Variants in ANAPC7 observed in about 807,000 individuals in gnomAD.
ANAPC7 encodes anaphase promoting complex subunit 7.
Under a neutral mutation model 63.3 loss-of-function variants are expected in ANAPC7, and 25 were observed. The observed-to-expected ratio is 0.39, with a 90% CI of 0.29 to 0.55. The LOEUF (loss-of-function observed/expected upper bound fraction) is 0.55, where lower values mean the gene tolerates loss of function less well. Ranked by LOEUF, ANAPC7 falls within the 20% of genes least tolerant of loss-of-function variation. The probability of loss-of-function intolerance (pLI) is 0.57; values close to 1 mark genes in which losing one functional copy is unlikely to be tolerated. For missense variants in ANAPC7, 516 were observed against 691.7 expected (o/e 0.75, Z 2.85); for synonymous variants, 241 against 251.7 (o/e 0.96, Z 0.40).
intron 4 of ANAPC7, among the ~76,000 whole-genome samples, chr12:110,388,174 C>A (rs28505800): frequency 0.026 from 3,885 of 152,196 alleles, 69 homozygotes; most frequent in East Asian, 0.076. Context: ...GAAGCTGGGA[C>A]TACAGGCACG....
chr12:110,374,077 G>A lies in ANAPC7; in HGVS notation c.*67C>T, dbSNP rs1881037547. 12 of 1,479,562 alleles carry A rather than the reference G, an allele frequency of 8.1e-6. No individual in the cohort carries two copies. Among genetic ancestry groups the A allele is most frequent in the South Asian group, 2.7e-5 (2 of 73,244 alleles). The allele number at this position is 1,479,562 out of a possible 1,614,324, so 91.7% of individuals were successfully genotyped here. A position where few individuals can be genotyped will look rare whatever the true frequency, so the allele number is the denominator to read the frequency against. ...TGTCCTTCTGAGAGCAGGCTCCTAC[G>A]GTTCCTTCAGTCCACGGAAGTGCTC... On this transcript the variant is annotated 3_prime_UTR_variant, in exon 11 of 11. Coordinates refer to ENST00000455511, the MANE Select transcript of ANAPC7 (RefSeq NM_016238.3).
At chr12:110,380,074 T>C (rs1054706608) in intron 8 of ANAPC7, among the ~76,000 whole-genome samples, 1 of 152,190 alleles carries the variant, frequency 6.6e-6, no homozygotes, top group Admixed American at 6.5e-5. Context: ...TAACAGGCCA[T>C]GTACAGTGGT....
At position 110,377,637 on chromosome 12, in the gene ANAPC7, T is replaced by C; in HGVS notation, c.1133-20A>G. ...TAAGACCTGAAAAAAGTAAAACACG[T>C]GAAGACATTCAATGCCATTACCATT... On this transcript the variant is annotated intron_variant, in intron 8 of 10. Transcript: ENST00000455511. The C allele has an allele frequency of 5.6e-6, 9 of 1,614,058 alleles. No homozygotes were observed. The South Asian group carries it at 8.8e-5, about 16-fold the overall frequency.
intron 3 of ANAPC7, among the ~76,000 whole-genome samples, chr12:110,389,350 G>A (rs938471844): frequency 6.6e-6 from 1 of 152,174 alleles, no homozygotes; most frequent in Non-Finnish European, 1.5e-5. Context: ...TAGTTAAGAA[G>A]GATCAGCTCA....
At chr12:110,381,118 A>G (rs1463830915) in intron 8 of ANAPC7, among the ~76,000 whole-genome samples, 1 of 152,034 alleles carries the variant, frequency 6.6e-6, no homozygotes, top group East Asian at 1.9e-4. Context: ...AAAATCAGAA[A>G]AAATGGATTA....
Position 110,376,124 on chromosome 12 carries a change from A to T in ANAPC7, c.1450T>A (p.Phe484Ile), listed in dbSNP as rs1566257580. 3 of 1,614,160 alleles carry T rather than the reference A, an allele frequency of 1.9e-6. No homozygotes were observed. The highest frequency in any genetic ancestry group is 8.5e-7 in the Non-Finnish European group (1 of 1,180,016). ...TGATACTCATTGACAGCTACAAGGA[A>T]ATCTCCTAGGATCCGATGCAGGACA... ...DCVLHRILGD[F>I]LVAVNEYQEA... Residue 484 changes from phenylalanine to isoleucine, a missense_variant, in exon 10 of 11, where the codon TTC (phenylalanine) becomes ATC (isoleucine). By Grantham distance (21) the Phe-to-Ile change is conservative. Around this residue, in one of 4 missense-constraint regions of ANAPC7, gnomAD observed 122 missense variants for 212.0 expected, o/e 0.58. Transcript: ENST00000455511.
intron 1 of ANAPC7, among the ~76,000 whole-genome samples, chr12:110,401,809 T>C (rs1169310192): frequency 1.3e-5 from 2 of 151,770 alleles, no homozygotes; most frequent in African/African-American, 4.8e-5. Context: ...CTGTCTCTAC[T>C]AAAAATACAA....
At chr12:110,392,813 GAGATGGAGTTTCACTC>G (rs1883214694) in intron 3 of ANAPC7, among the ~76,000 whole-genome samples, 1 of 151,260 alleles carries the variant, frequency 6.6e-6, no homozygotes. Flanking sequence ...TGTTTTTTTT[GAGATGGAGTTTCACTC>G]TTGTTGCCCA....
At chr12:110,384,953 A>C (rs1421842744) in intron 6 of ANAPC7, among the ~76,000 whole-genome samples, 2 of 152,158 alleles carry the variant, frequency 1.3e-5, no homozygotes, top group Non-Finnish European at 2.9e-5. Context: ...TTCTATCCAG[A>C]ATGCAGTTCA....
intron 6 of ANAPC7, among the ~76,000 whole-genome samples, chr12:110,383,751 C>T (rs1882159362): frequency 6.6e-6 from 1 of 151,360 alleles, no homozygotes; most frequent in African/African-American, 2.4e-5. Context: ...TGGCGTGTGC[C>T]TGTAATCCCA....
At chr12:110,402,878 G>T (rs1378776142) in intron 1 of ANAPC7, among the ~76,000 whole-genome samples, 1 of 152,154 alleles carries the variant, frequency 6.6e-6, no homozygotes, top group African/African-American at 2.4e-5. Context: ...TGGGACCGCA[G>T]GCACGCACCA....
intron 10 of ANAPC7, among the ~76,000 whole-genome samples, chr12:110,375,020 C>G (rs914476465): frequency 3.9e-5 from 6 of 152,158 alleles, no homozygotes; most frequent in Admixed American, 6.6e-5. Flanking sequence ...AGCAGGCGTC[C>G]CACGCCTAGC....
At chr12:110,377,292 C>T (rs532960188) in intron 9 of ANAPC7, 101 bp downstream of exon 9, 168 of 1,011,216 alleles carry the variant, frequency 1.7e-4, no homozygotes, top group Middle Eastern at 2.4e-4. Context: ...AAGGCACACA[C>T]CTGTCTAGTC....
chr12:110,388,383 A>T, intron 4 of ANAPC7, 129 bp downstream of exon 4: 2 of 674,170 alleles, frequency 3.0e-6, no homozygotes, highest in Non-Finnish European at 2.5e-6. Context: ...GACAACAGGA[A>T]TCCTACTAAA....
At chr12:110,377,802 G>C in intron 8 of ANAPC7, 185 bp from the exon 9 acceptor site, 1 of 1,436,218 alleles carries the variant, frequency 7.0e-7, no homozygotes, top group Non-Finnish European at 9.1e-7. Flanking sequence ...CTCTTCCCCA[G>C]AGAACTTGAT....
intron 1 of ANAPC7, among the ~76,000 whole-genome samples, chr12:110,403,200 G>A (rs1462380089): frequency 4.9e-4 from 74 of 152,206 alleles, no homozygotes; most frequent in Non-Finnish European, 1.5e-4. Context: ...GAGCCGAGAG[G>A]GAAGGATTCA....
At chr12:110,398,623 T>C (rs1017330378) in intron 1 of ANAPC7, among the ~76,000 whole-genome samples, 4 of 152,092 alleles carry the variant, frequency 2.6e-5, no homozygotes, top group Admixed American at 6.6e-5. Context: ...CCTTCCCAAA[T>C]AAGAGGAAGA....
At position 110,403,660 on chromosome 12, in the gene ANAPC7, G is replaced by C. The variant is rs1163457826; in HGVS notation, c.-33C>G. The C allele has an allele frequency of 1.3e-6, 2 of 1,567,048 alleles. No homozygotes were observed. Among genetic ancestry groups the C allele is most frequent in the East Asian group, 4.7e-5 (2 of 42,478 alleles). On this transcript the variant is annotated 5_prime_UTR_variant, in exon 1 of 11. Coordinates refer to ENST00000455511, the MANE Select transcript of ANAPC7 (RefSeq NM_016238.3). ...TGCAAAGCCGCGGGCAGCGGCGGCA[G>C]CACTGACTCGAAAAGCCGGTAGAGG...
chr12:110,392,782 ATCTTTTTTTGTT>A (rs1253115714), intron 3 of ANAPC7, among the ~76,000 whole-genome samples: 1 of 151,822 alleles, frequency 6.6e-6, no homozygotes, highest in African/African-American at 2.4e-5. Context: ...TAGACACCAG[ATCTTTTTTTGTT>A]TGTTTTTTTG....
Sources: allele counts gnomAD v4.1 joint callset (sites outside exome capture counted in the v4.1 genomes callset), GRCh38; gene constraint gnomAD v4.1.1; regional missense constraint gnomAD v4.1.1; transcripts MANE v1.5; gene names NCBI Gene and HGNC (gene_info 2026-07-23, HGNC 2026-07-21).